The following CAMKMT variants were observed in gnomAD, a reference collection of about 807,000 sequenced individuals.
CAMKMT encodes calmodulin-lysine N-methyltransferase, also known as CaM KMT.
CAMKMT carries 53 observed loss-of-function variants against 48.0 expected under a neutral mutation model. The observed-to-expected ratio is 1.10, with a 90% CI of 0.89 to 1.39. The LOEUF is 1.39. Among genes scored for constraint, CAMKMT ranks in the 40% most tolerant of loss-of-function variants. CAMKMT has a pLI of 0.00. For missense variants in CAMKMT, 428 were observed against 402.7 expected (o/e 1.06, Z -0.54); for synonymous variants, 165 against 152.3 (o/e 1.08, Z -0.61).
intron 3 of CAMKMT, among the ~76,000 whole-genome samples, chr2:44,416,084 A>G (rs948831502): frequency 2.0e-5 from 3 of 152,168 alleles, no homozygotes; most frequent in African/African-American, 7.2e-5. Flanking sequence ...AGTAATATCA[A>G]TTTATGAAGT....
chr2:44,376,376 G>T (rs1679694085), intron 2 of CAMKMT, among the ~76,000 whole-genome samples: 1 of 150,094 alleles, frequency 6.7e-6, no homozygotes, highest in African/African-American at 2.5e-5. Context: ...AGATGAGATT[G>T]TGCCACTGAA....
rs138914104 is a variant in CAMKMT, at chr2:44,771,065, C to A, written c.895-971C>A. Among the ~76,000 whole-genome samples, 703 of 152,294 alleles carry A rather than the reference C, an allele frequency of 4.6e-3. 7 individuals carry two copies. Among genetic ancestry groups the A allele is most frequent in the African/African-American group, 0.016 (671 of 41,554 alleles). On this transcript the variant is annotated intron_variant, in intron 10 of 10. Coordinates refer to ENST00000378494, the MANE Select transcript of CAMKMT (RefSeq NM_024766.5). ...GGGAATATGATTTAGAAGGAACATG[C>A]ACTTCGAAAAGATTCAAGTTAACAT...
chr2:44,607,950 C>G (rs965600284), intron 3 of CAMKMT, among the ~76,000 whole-genome samples: 3 of 152,014 alleles, frequency 2.0e-5, no homozygotes, highest in Non-Finnish European at 2.9e-5. Context: ...CCACTTATAT[C>G]TCCATTCACC....
intron 3 of CAMKMT, among the ~76,000 whole-genome samples, chr2:44,430,986 A>C (rs1177652219): frequency 6.6e-6 from 1 of 152,242 alleles, no homozygotes; most frequent in East Asian, 1.9e-4. Flanking sequence ...CGTTATTAAA[A>C]AGTTACTTTA....
At chr2:44,666,612 C>CTTTTTTTTTTTTTTTTT (rs1293884982) in intron 3 of CAMKMT, among the ~76,000 whole-genome samples, 59 of 133,954 alleles carry the variant, frequency 4.4e-4, no homozygotes, top group African/African-American at 1.7e-3. Context: ...CTCCTGGAAT[C>CTTTTTTTTTTTTTTTTT]TTTTTTTTTT....
At chr2:44,672,125 A>G (rs939892843) in intron 3 of CAMKMT, among the ~76,000 whole-genome samples, 4 of 152,144 alleles carry the variant, frequency 2.6e-5, no homozygotes, top group Non-Finnish European at 5.9e-5. Flanking sequence ...TTGCTTCTTA[A>G]TGAGTAAGAG....
chr2:44,455,941 C>T (rs1412004154), intron 3 of CAMKMT, among the ~76,000 whole-genome samples: 1 of 152,020 alleles, frequency 6.6e-6, no homozygotes, highest in Non-Finnish European at 1.5e-5. Flanking sequence ...GAATTCAATT[C>T]CATTTGGTTA....
chr2:44,710,016 AT>A (rs1365867118), intron 6 of CAMKMT, among the ~76,000 whole-genome samples: 6 of 151,342 alleles, frequency 4.0e-5, no homozygotes, highest in Non-Finnish European at 7.4e-5. Flanking sequence ...TTTAAAAATT[AT>A]TTTTTTTGTT....
chr2:44,675,325 C>T (rs920454968), intron 3 of CAMKMT, among the ~76,000 whole-genome samples: 30 of 152,078 alleles, frequency 2.0e-4, no homozygotes, highest in Admixed American at 8.5e-4. Context: ...TGTCAGATTC[C>T]GGAATCTTTA....
intron 3 of CAMKMT, among the ~76,000 whole-genome samples, chr2:44,601,793 C>G (rs940803473): frequency 1.3e-5 from 2 of 151,860 alleles, no homozygotes; most frequent in Non-Finnish European, 2.9e-5. Flanking sequence ...TCTCAATTCT[C>G]TTAATTACTT....
At chr2:44,390,971 A>C (rs1239769550) in intron 3 of CAMKMT, among the ~76,000 whole-genome samples, 1 of 152,196 alleles carries the variant, frequency 6.6e-6, no homozygotes, top group Admixed American at 6.5e-5. Context: ...ACAGCATACC[A>C]TCATAGGAGC....
intron 4 of CAMKMT, 129 bp from the exon 5 acceptor site, chr2:44,706,158 C>A: frequency 2.5e-6 from 2 of 796,062 alleles, no homozygotes; most frequent in Non-Finnish European, 4.2e-6. Context: ...GTAGCCTAGT[C>A]ATGTCTCTAC....
chr2:44,384,296 G>A (rs768471112), intron 2 of CAMKMT, among the ~76,000 whole-genome samples: 1 of 151,948 alleles, frequency 6.6e-6, no homozygotes, highest in Non-Finnish European at 1.5e-5. Context: ...GTCTATTCAT[G>A]TCCTTAGTCC....
At chr2:44,587,260 T>C (rs1032929492) in intron 3 of CAMKMT, among the ~76,000 whole-genome samples, 13 of 152,228 alleles carry the variant, frequency 8.5e-5, no homozygotes, top group Non-Finnish European at 1.6e-4. Context: ...TACTGAGTCT[T>C]CTAATCAATG....
intron 3 of CAMKMT, among the ~76,000 whole-genome samples, chr2:44,623,053 C>T (rs1481914922): frequency 1.3e-5 from 2 of 151,850 alleles, no homozygotes; most frequent in Admixed American, 6.6e-5. Context: ...GATGGTATGT[C>T]GGTGATTTGC....
intron 2 of CAMKMT, among the ~76,000 whole-genome samples, chr2:44,384,260 C>A (rs570389406): frequency 6.6e-6 from 1 of 152,096 alleles, no homozygotes; most frequent in Non-Finnish European, 1.5e-5. Flanking sequence ...ATTTGTTGGC[C>A]ATTTGTATAT....
chr2:44,514,150 G>T (rs776319970), intron 3 of CAMKMT, among the ~76,000 whole-genome samples: 2 of 151,872 alleles, frequency 1.3e-5, no homozygotes, highest in Non-Finnish European at 2.9e-5. Flanking sequence ...AAATCAGAGG[G>T]TGAATGGTTA....
chr2:44,371,989 A>G (rs978668896), intron 1 of CAMKMT, among the ~76,000 whole-genome samples: 3 of 152,220 alleles, frequency 2.0e-5, no homozygotes, highest in Admixed American at 6.5e-5. Flanking sequence ...TCATTATGCT[A>G]AAACATACAT....
chr2:44,703,138 G>C (rs1677347732), intron 3 of CAMKMT, among the ~76,000 whole-genome samples: 1 of 151,946 alleles, frequency 6.6e-6, no homozygotes, highest in Non-Finnish European at 1.5e-5. Flanking sequence ...ATTTTTATAA[G>C]GTTATAGTTT....
Sources: allele counts gnomAD v4.1 joint callset (sites outside exome capture counted in the v4.1 genomes callset), GRCh38; gene constraint gnomAD v4.1.1; transcripts MANE v1.5; gene names NCBI Gene and HGNC (gene_info 2026-07-23, HGNC 2026-07-21).